SERPINA12: variants seen among roughly 807,000 people sequenced by gnomAD.
SERPINA12 encodes the protein serpin A12.
Under a neutral mutation model 25.9 loss-of-function variants are expected in SERPINA12, and 21 were observed. That is an observed-to-expected ratio of 0.81 (90% confidence interval 0.58 to 1.17). The LOEUF (loss-of-function observed/expected upper bound fraction) is 1.17. Among genes scored for constraint, SERPINA12 ranks in the 50% most tolerant of loss-of-function variants. The pLI is 0.00. For synonymous variants in SERPINA12, 220 were observed against 196.0 expected (o/e 1.12, Z -1.02); for missense variants, 562 against 508.3 (o/e 1.11, Z -1.02).
chr14:94,492,786 C>T (rs1367273100), intron 3 of SERPINA12, among the ~76,000 whole-genome samples: 5 of 152,144 alleles, frequency 3.3e-5, no homozygotes. Flanking sequence ...GGGAGTGGAC[C>T]CTCGACACTT....
chr14:94,508,065 C>T (rs527419787), intron 1 of SERPINA12, among the ~76,000 whole-genome samples: 1 of 152,306 alleles, frequency 6.6e-6, no homozygotes, highest in South Asian at 2.1e-4. Context: ...CCAGTTGATG[C>T]TTGTGACAGA....
chr14:94,499,954 G>A (rs752186475), intron 1 of SERPINA12, among the ~76,000 whole-genome samples: 15 of 152,158 alleles, frequency 9.9e-5, no homozygotes, highest in Non-Finnish European at 1.9e-4. Flanking sequence ...GGGCAGTTGT[G>A]AGCTGTCAGC....
upstream of SERPINA12, among the ~76,000 whole-genome samples, chr14:94,513,958 G>C (rs558863133): frequency 6.6e-6 from 1 of 152,238 alleles, no homozygotes; most frequent in African/African-American, 2.4e-5. Context: ...CTCACAGTCC[G>C]AGAAGGGGTA....
At chr14:94,492,762 G>A (rs948420301) in intron 3 of SERPINA12, among the ~76,000 whole-genome samples, 22 of 152,168 alleles carry the variant, frequency 1.4e-4, no homozygotes, top group Non-Finnish European at 2.9e-4. Context: ...AAATGTGTGG[G>A]GGGCACCCAG....
chr14:94,498,256 G>A lies in SERPINA12; in HGVS notation c.142C>T (p.Leu48Phe), dbSNP rs769625552. The A allele has an allele frequency of 1.8e-5, 29 of 1,614,084 alleles. 1 individual carries two copies. In the East Asian group the frequency reaches 5.3e-4, roughly 30 times the overall value. The change falls in exon 2 of 5, where the codon CTT (leucine) becomes TTT (phenylalanine). Residue 48 changes from leucine to phenylalanine, a missense_variant. Coordinates refer to ENST00000677451, the MANE Select transcript of SERPINA12 (RefSeq NM_001382267.1). The part of the protein sequence containing the change: ...GWKQRMAAKE[L>F]ARQNMDLGFK... ...CCTAAGTCCATGTTCTGCCTTGCAA[G>A]CTCCTTGGCTGCCATCCTTTGCTTC... is the stretch of plus-strand genomic sequence containing the variant.
intron 4 of SERPINA12, 124 bp downstream of exon 4, chr14:94,489,496 T>G: frequency 8.8e-7 from 1 of 1,132,778 alleles, no homozygotes; most frequent in Non-Finnish European, 1.2e-6. Context: ...ACAGCTGCAT[T>G]CATGCCCGCC....
rs537538967 is a variant in SERPINA12, at chr14:94,496,643, G to T, written c.635C>A (p.Ala212Asp). 6.9e-5 allele frequency: 112 copies of T among 1,613,126 alleles called. No individual in the cohort carries two copies. In the South Asian group the frequency reaches 1.0e-3, roughly 15 times the overall value. The change falls in exon 3 of 5, where the codon GCC (alanine) becomes GAC (aspartate). Residue 212 changes from alanine to aspartate, a missense_variant and splice_region_variant. Coordinates refer to ENST00000677451, the MANE Select transcript of SERPINA12 (RefSeq NM_001382267.1). Reference sequence around the variant, plus strand: ...TGGATCAAACTCATGTTTCCACCTGGCTTAGATTGAAGAAAGACAAACAGA... The same window carrying T: ...TGGATCAAACTCATGTTTCCACCTGTCTTAGATTGAAGAAAGACAAACAGA... ...MLLANYIFFR[A>D]RWKHEFDPNV... is the part of the protein sequence containing the mutation.
At chr14:94,499,843 C>A (rs1397371126) in intron 1 of SERPINA12, among the ~76,000 whole-genome samples, 1 of 152,174 alleles carries the variant, frequency 6.6e-6, no homozygotes, top group African/African-American at 2.4e-5. Flanking sequence ...TGGATAGAAT[C>A]GGTCAGTTGG....
chr14:94,505,844 G>T (rs1282707158), intron 1 of SERPINA12, among the ~76,000 whole-genome samples: 1 of 152,236 alleles, frequency 6.6e-6, no homozygotes, highest in African/African-American at 2.4e-5. Flanking sequence ...CAGTGCCAGA[G>T]GCCAGTAGGC....
chr14:94,498,104 G>C lies in SERPINA12; in HGVS notation c.294C>G (p.Ile98Met), dbSNP rs755761050. The change falls in exon 2 of 5, where the codon ATC (isoleucine) becomes ATG (methionine). Residue 98 changes from isoleucine (I) to methionine (M), a missense_variant. By Grantham distance (10) the Ile-to-Met change is conservative (BLOSUM62 1). Coordinates refer to ENST00000677451, the MANE Select transcript of SERPINA12 (RefSeq NM_001382267.1). ...LGAQDSTLDE[I>M]KQGFNFRKMP... ...TCTTTCTGAAGTTGAACCCCTGCTT[G>C]ATCTCGTCCAGGGTGCTGTCCTGGG... The C allele has an allele frequency of 1.9e-6, 3 of 1,614,138 alleles. No individual in the cohort carries two copies. The highest frequency in any genetic ancestry group is 1.3e-5 in the African/African-American group (1 of 75,020).
rs1900425388 is a variant in SERPINA12, at chr14:94,496,468, G to A, written c.810C>T (p.Ala270=). Residue 270 remains alanine, a synonymous_variant, in exon 3 of 5, where the codon GCC becomes GCT. Transcript: ENST00000677451. ...LEIPYQKNIT[A]IFILPDEGKL... ...TGCCCTCATCAGGAAGGATGAAGAT[G>A]GCTGTGATATTTTTCTGGTAGGGTA... The A allele has an allele frequency of 1.2e-6, 2 of 1,614,054 alleles. No homozygotes were observed. The highest frequency in any genetic ancestry group is 1.7e-5 in the Admixed American group (1 of 60,002).
At chr14:94,511,652 C>T (rs1901113831), upstream of SERPINA12, 1 of 985,440 alleles carries the variant, frequency 1.0e-6, no homozygotes, top group Non-Finnish European at 1.2e-6. Flanking sequence ...TCCCACCCAC[C>T]TCTCTCACCT....
In SERPINA12 at chr14:94,509,428, T is replaced by C. The variant is rs1901046818; in HGVS notation, c.-120A>G. On this transcript the variant is annotated 5_prime_UTR_variant, in exon 1 of 5. Coordinates refer to ENST00000677451, the MANE Select transcript of SERPINA12 (RefSeq NM_001382267.1). ...GCTGATCCCAGCCTCCTAGTCCTTT[T>C]TCGGTCCTGGTCCTGCAGCCTTCAG... is the stretch of plus-strand genomic sequence containing the variant. Among the ~76,000 whole-genome samples, 1 of 152,118 alleles carries C rather than the reference T, an allele frequency of 6.6e-6. No homozygotes were observed. The highest frequency in any genetic ancestry group is 1.5e-5 in the Non-Finnish European group (1 of 68,022).
At position 94,490,908 on chromosome 14, in the gene SERPINA12, C is replaced by A. The variant is rs575653596; in HGVS notation, c.906-1141G>T. Reference sequence around the variant, plus strand: ...CCCCACCACTCCTGCCCCTGTCGGGCTCCACCCCTCCCATCTCTACCGGTG... The same window carrying A: ...CCCCACCACTCCTGCCCCTGTCGGGATCCACCCCTCCCATCTCTACCGGTG... On this transcript the variant is annotated intron_variant, in intron 3 of 4. Transcript: ENST00000677451. Among the ~76,000 whole-genome samples, 3 of 152,264 alleles carry A rather than the reference C, an allele frequency of 2.0e-5. No individual in the cohort carries two copies. The East Asian group carries it at 5.8e-4, about 29-fold the overall frequency.
chr14:94,516,808 C>T (rs1254570171), intron 1 of SERPINA12, among the ~76,000 whole-genome samples: 1 of 152,154 alleles, frequency 6.6e-6, no homozygotes, highest in African/African-American at 2.4e-5. Context: ...GTTCAGGTGC[C>T]CCTGTTTGGG....
chr14:94,494,005 G>A (rs1360567916), intron 3 of SERPINA12, among the ~76,000 whole-genome samples: 1 of 152,206 alleles, frequency 6.6e-6, no homozygotes, highest in East Asian at 1.9e-4. Flanking sequence ...TGGAGAAATT[G>A]TCAGACATGG....
intron 1 of SERPINA12, among the ~76,000 whole-genome samples, chr14:94,506,927 G>A (rs1900949091): frequency 6.6e-6 from 1 of 152,208 alleles, no homozygotes; most frequent in African/African-American, 2.4e-5. Context: ...TAAAGCCACA[G>A]TATTAAGGTA....
chr14:94,489,914 T>A, intron 3 of SERPINA12, 147 bp from the exon 4 acceptor site: 1 of 774,296 alleles, frequency 1.3e-6, no homozygotes, highest in Non-Finnish European at 2.1e-6. Context: ...AGGGGCTCCT[T>A]AACCCTGGGA....
At position 94,498,122 on chromosome 14, in the gene SERPINA12, G is replaced by A; in HGVS notation, c.276C>T (p.Asp92=). 6.2e-7 allele frequency: 1 copy of A among 1,614,146 alleles called. No homozygotes were observed. The highest frequency in any genetic ancestry group is 8.5e-7 in the Non-Finnish European group (1 of 1,180,024). The change falls in exon 2 of 5, where the codon GAC becomes GAT. Residue 92 remains aspartate, a synonymous_variant. Coordinates refer to ENST00000677451, the MANE Select transcript of SERPINA12 (RefSeq NM_001382267.1). ...CCTGCTTGATCTCGTCCAGGGTGCT[G>A]TCCTGGGCACCCAGGCACAGCATGG... The part of the protein sequence containing the change: ...AFSMLCLGAQ[D]STLDEIKQGF...
Sources: allele counts gnomAD v4.1 joint callset (sites outside exome capture counted in the v4.1 genomes callset), GRCh38; gene constraint gnomAD v4.1.1; transcripts MANE v1.5; gene names NCBI Gene and HGNC (gene_info 2026-07-23, HGNC 2026-07-21).